Variants in BICD1 observed in about 807,000 individuals in gnomAD.
The protein encoded by BICD1 is protein bicaudal D homolog 1.
A neutral mutation model predicts 92.5 loss-of-function variants in BICD1; 35 were observed. That is an observed-to-expected ratio of 0.38 (90% confidence interval 0.29 to 0.50). BICD1 has a LOEUF of 0.50. BICD1 is among the 20% of genes least tolerant of loss of function. The pLI is 0.93. For missense variants in BICD1, 950 were observed against 1,189.8 expected (o/e 0.80, Z 2.97); for synonymous variants, 429 against 465.1 (o/e 0.92, Z 1.00).
At chr12:32,233,206 C>T (rs1565605850) in intron 2 of BICD1, among the ~76,000 whole-genome samples, 1 of 151,574 alleles carries the variant, frequency 6.6e-6, no homozygotes, top group African/African-American at 2.4e-5. Flanking sequence ...CATGTAACCC[C>T]GGCTACTCTG....
chr12:32,113,520 G>C (rs1056694530), intron 1 of BICD1, among the ~76,000 whole-genome samples: 1 of 151,220 alleles, frequency 6.6e-6, no homozygotes, highest in Non-Finnish European at 1.5e-5. Context: ...CAAGGAGCTG[G>C]GAATACAGAC....
At chr12:32,285,681 C>G (rs1947543409) in intron 2 of BICD1, among the ~76,000 whole-genome samples, 1 of 152,140 alleles carries the variant, frequency 6.6e-6, no homozygotes, top group Non-Finnish European at 1.5e-5. Context: ...GGCTAATCCC[C>G]TCTCCCCTGA....
chr12:32,112,005 T>TC (rs1941714140), intron 1 of BICD1, among the ~76,000 whole-genome samples: 1 of 143,294 alleles, frequency 7.0e-6, no homozygotes, highest in South Asian at 2.3e-4. Context: ...CTATCCCTTT[T>TC]TTTTTTTTTT....
intron 9 of BICD1, among the ~76,000 whole-genome samples, chr12:32,370,491 A>G (rs142089038): frequency 2.6e-3 from 397 of 152,244 alleles, no homozygotes; most frequent in African/African-American, 9.2e-3. Flanking sequence ...CCTACAGTCC[A>G]TTCTCCACCA....
At chr12:32,110,592 G>T (rs983403940) in intron 1 of BICD1, among the ~76,000 whole-genome samples, 1 of 152,130 alleles carries the variant, frequency 6.6e-6, no homozygotes, top group Non-Finnish European at 1.5e-5. Flanking sequence ...TCAGGGCCTG[G>T]CTGATTATAT....
At chr12:32,115,249 G>A (rs1941847446) in intron 1 of BICD1, among the ~76,000 whole-genome samples, 1 of 152,126 alleles carries the variant, frequency 6.6e-6, no homozygotes, top group Non-Finnish European at 1.5e-5. Context: ...CTAGAGAAAA[G>A]CATATATAAA....
intron 4 of BICD1, among the ~76,000 whole-genome samples, chr12:32,320,609 C>T (rs1307960101): frequency 2.6e-5 from 4 of 152,046 alleles, no homozygotes; most frequent in Non-Finnish European, 5.9e-5. Context: ...CCACTGCACT[C>T]CAGTCTGGGC....
chr12:32,369,086 G>A (rs1939632403), intron 9 of BICD1, among the ~76,000 whole-genome samples: 1 of 152,226 alleles, frequency 6.6e-6, no homozygotes, highest in Non-Finnish European at 1.5e-5. Context: ...CTTTATGTGA[G>A]ATTACTTGAA....
chr12:32,341,076 C>G (rs1215001879), intron 8 of BICD1, among the ~76,000 whole-genome samples: 2 of 152,198 alleles, frequency 1.3e-5, no homozygotes, highest in African/African-American at 4.8e-5. Flanking sequence ...CATCTTACAA[C>G]TCTAAAGTCA....
At chr12:32,129,299 G>A (rs932480950) in intron 1 of BICD1, among the ~76,000 whole-genome samples, 9 of 151,104 alleles carry the variant, frequency 6.0e-5, no homozygotes, top group Non-Finnish European at 1.2e-4. Context: ...CCAGGCAGAC[G>A]GATCACCTGA....
chr12:32,135,707 A>G (rs1428277666), intron 1 of BICD1, among the ~76,000 whole-genome samples: 2 of 152,164 alleles, frequency 1.3e-5, no homozygotes, highest in African/African-American at 2.4e-5. Flanking sequence ...TTTTAGAAAG[A>G]GCGTGAATCT....
At chr12:32,307,354 G>T (rs368218673) in intron 4 of BICD1, among the ~76,000 whole-genome samples, 2 of 152,186 alleles carry the variant, frequency 1.3e-5, no homozygotes, top group East Asian at 3.8e-4. Flanking sequence ...GAAGATCCCA[G>T]CCTTGAAAAA....
At chr12:32,122,561 T>C (rs1166253690) in intron 1 of BICD1, among the ~76,000 whole-genome samples, 1 of 152,186 alleles carries the variant, frequency 6.6e-6, no homozygotes, top group African/African-American at 2.4e-5. Context: ...GTCTTCTATC[T>C]TAATTACTGT....
At chr12:32,221,250 A>G (rs1029197874) in intron 2 of BICD1, among the ~76,000 whole-genome samples, 1 of 150,852 alleles carries the variant, frequency 6.6e-6, no homozygotes, top group East Asian at 1.9e-4. Context: ...TAATAATAAT[A>G]AAATTAAAAA....
intron 7 of BICD1, 110 bp from the exon 8 acceptor site, chr12:32,338,675 TA>T: frequency 1.1e-6 from 1 of 921,352 alleles, no homozygotes; most frequent in African/African-American, 1.8e-5. Flanking sequence ...TTTACATATT[TA>T]AAAAATTAAA....
chr12:32,155,689 GA>G (rs771650450), intron 1 of BICD1, among the ~76,000 whole-genome samples: 10 of 152,122 alleles, frequency 6.6e-5, no homozygotes, highest in Non-Finnish European at 1.3e-4. Flanking sequence ...GAAAAAAAGG[GA>G]AAATAAGAAA....
rs1027004987 is a variant in BICD1 at position 32,305,730 on chromosome 12, C to A, written c.613C>A (p.Arg205=). The A allele has an allele frequency of 1.2e-6, 2 of 1,613,292 alleles. No homozygotes were observed. The highest frequency in any genetic ancestry group is 2.2e-5 in the South Asian group (2 of 91,010). The change falls in exon 4 of 10, where the codon CGA becomes AGA. Residue 205 remains arginine, a synonymous_variant. Coordinates refer to ENST00000652176, the MANE Select transcript of BICD1 (RefSeq NM_001714.4). ...CGAAGGCTTAAAGCATGAGATTAAGCGATTTGAGGAGGAGACGGTACTGCT... is the reference window on the plus strand; with the variant it reads ...CGAAGGCTTAAAGCATGAGATTAAGAGATTTGAGGAGGAGACGGTACTGCT... The part of the protein sequence containing the change: ...EYEGLKHEIK[R]FEEETVLLNS...
intron 2 of BICD1, among the ~76,000 whole-genome samples, chr12:32,249,146 A>G (rs1946465132): frequency 6.6e-6 from 1 of 152,182 alleles, no homozygotes; most frequent in African/African-American, 2.4e-5. Flanking sequence ...ATTATACAGC[A>G]CCAGTCTTTA....
intron 1 of BICD1, among the ~76,000 whole-genome samples, chr12:32,137,138 G>C (rs1436379939): frequency 6.6e-6 from 1 of 152,130 alleles, no homozygotes; most frequent in Non-Finnish European, 1.5e-5. Flanking sequence ...GCCCAGACTG[G>C]ATTGCAGTGG....
Sources: gnomAD v4.1 joint callset for allele counts (sites outside exome capture counted in the v4.1 genomes callset) on GRCh38, gnomAD v4.1.1 for gene constraint, MANE v1.5 for transcripts, NCBI Gene and HGNC (gene_info 2026-07-23, HGNC 2026-07-21) for gene names.